The following ELMO1 variants were observed in gnomAD, a reference collection of about 807,000 sequenced individuals.
ELMO1 encodes the protein engulfment and cell motility protein 1.
A neutral mutation model predicts 98.9 loss-of-function variants in ELMO1; 26 were observed. The ratio of observed to expected loss-of-function variants is 0.26; its 90% CI spans 0.19 to 0.36. The LOEUF (loss-of-function observed/expected upper bound fraction) is 0.36. Ranked by LOEUF, ELMO1 falls within the 10% of genes least tolerant of loss-of-function variation. The pLI, the probability that ELMO1 is intolerant of heterozygous loss-of-function variation, is 1.00. For synonymous variants in ELMO1, 346 were observed against 346.0 expected (o/e 1.00, Z 0.00); for missense variants, 627 against 935.2 (o/e 0.67, Z 4.30).
At chr7:36,878,604 C>G (rs1175327111) in intron 18 of ELMO1, among the ~76,000 whole-genome samples, 3 of 152,218 alleles carry the variant, frequency 2.0e-5, no homozygotes, top group Non-Finnish European at 4.4e-5. Flanking sequence ...TAGGCTACCA[C>G]ACGCACATTA....
chr7:37,373,345 A>G (rs1236417448), intron 1 of ELMO1, among the ~76,000 whole-genome samples: 6 of 152,176 alleles, frequency 3.9e-5, no homozygotes, highest in African/African-American at 7.2e-5. Flanking sequence ...GGTGGCTCAC[A>G]CCGGTAATCC....
At chr7:37,416,386 C>A (rs1317003517) in intron 1 of ELMO1, among the ~76,000 whole-genome samples, 4 of 152,206 alleles carry the variant, frequency 2.6e-5, no homozygotes, top group African/African-American at 9.7e-5. Flanking sequence ...GAATCCCATT[C>A]TCACTGAATA....
At chr7:36,929,048 A>C (rs1251593533) in intron 16 of ELMO1, among the ~76,000 whole-genome samples, 8 of 152,230 alleles carry the variant, frequency 5.3e-5, no homozygotes. Context: ...AAGAAAGGGC[A>C]GTTGAGAGAG....
intron 15 of ELMO1, among the ~76,000 whole-genome samples, chr7:37,047,789 G>C (rs1795879380): frequency 1.3e-5 from 2 of 152,124 alleles, no homozygotes; most frequent in Middle Eastern, 3.4e-3. Flanking sequence ...TGTGCATTCA[G>C]TTGAGCCTAT....
intron 19 of ELMO1, among the ~76,000 whole-genome samples, chr7:36,871,342 C>T (rs1024604266): frequency 6.6e-6 from 1 of 152,102 alleles, no homozygotes; most frequent in African/African-American, 2.4e-5. Flanking sequence ...TTGAAACCAG[C>T]CTGGGCAACA....
At chr7:36,954,450 A>G (rs1434481667) in intron 16 of ELMO1, among the ~76,000 whole-genome samples, 1 of 152,122 alleles carries the variant, frequency 6.6e-6, no homozygotes, top group African/African-American at 2.4e-5. Flanking sequence ...TGACAAATGA[A>G]TGGTCAATGT....
intron 1 of ELMO1, among the ~76,000 whole-genome samples, chr7:37,377,210 C>G: frequency 6.6e-6 from 1 of 152,162 alleles, no homozygotes; most frequent in East Asian, 1.9e-4. Flanking sequence ...CAGTTTCTAC[C>G]GAATGCTTAT....
At chr7:37,249,191 A>C (rs1015740997) in intron 6 of ELMO1, among the ~76,000 whole-genome samples, 1 of 152,220 alleles carries the variant, frequency 6.6e-6, no homozygotes, top group African/African-American at 2.4e-5. Context: ...TGGTTCAGGC[A>C]AGATGAAAAG....
intron 16 of ELMO1, among the ~76,000 whole-genome samples, chr7:36,989,330 A>G (rs1044863624): frequency 2.0e-5 from 3 of 152,340 alleles, no homozygotes; most frequent in Non-Finnish European, 2.9e-5. Context: ...AGATTCTTTA[A>G]GTGTGATCCA....
chr7:37,414,452 G>A (rs948776964), intron 1 of ELMO1, among the ~76,000 whole-genome samples: 1 of 152,192 alleles, frequency 6.6e-6, no homozygotes, highest in Non-Finnish European at 1.5e-5. Flanking sequence ...AGCATATCCA[G>A]GTCACTGGCT....
At chr7:37,055,115 T>C (rs1584573715) in intron 15 of ELMO1, among the ~76,000 whole-genome samples, 1 of 152,238 alleles carries the variant, frequency 6.6e-6, no homozygotes, top group Non-Finnish European at 1.5e-5. Context: ...TGACTCATCC[T>C]GCAACATAAA....
intron 16 of ELMO1, among the ~76,000 whole-genome samples, chr7:36,977,155 C>G (rs1369977238): frequency 6.6e-6 from 1 of 152,234 alleles, no homozygotes; most frequent in East Asian, 1.9e-4. Flanking sequence ...CTCCCTGAGT[C>G]TGGCCCTCTA....
chr7:37,105,860 C>G (rs551623475), intron 14 of ELMO1, among the ~76,000 whole-genome samples: 86 of 152,026 alleles, frequency 5.7e-4, no homozygotes, highest in African/African-American at 1.8e-3. Flanking sequence ...TGGTGGTTGC[C>G]GGGGGCTGAG....
At chr7:36,876,088 C>A (rs904126203) in intron 19 of ELMO1, among the ~76,000 whole-genome samples, 4 of 152,188 alleles carry the variant, frequency 2.6e-5, no homozygotes, top group Admixed American at 2.6e-4. Flanking sequence ...CTGCTATTTG[C>A]TTCAACCAAC....
intron 16 of ELMO1, among the ~76,000 whole-genome samples, chr7:37,005,797 C>G (rs117153211): frequency 0.011 from 1,595 of 151,734 alleles, 12 homozygotes; most frequent in Non-Finnish European, 0.016. Flanking sequence ...CTCAGTGTTG[C>G]CATGAGCATC....
intron 5 of ELMO1, among the ~76,000 whole-genome samples, chr7:37,268,049 T>G (rs1796353876): frequency 6.6e-6 from 1 of 152,220 alleles, no homozygotes; most frequent in Non-Finnish European, 1.5e-5. Flanking sequence ...CATAAGCACT[T>G]CTTAAAACAA....
chr7:37,412,874 C>T (rs367697357), intron 1 of ELMO1, among the ~76,000 whole-genome samples: 20 of 152,210 alleles, frequency 1.3e-4, no homozygotes, highest in African/African-American at 4.6e-4. Context: ...GCTTGTCAGC[C>T]ACAGGAGCAC....
chr7:37,423,677 T>C (rs1804581232), intron 1 of ELMO1, among the ~76,000 whole-genome samples: 1 of 152,200 alleles, frequency 6.6e-6, no homozygotes, highest in Admixed American at 6.5e-5. Context: ...TATATATGTG[T>C]TTGTCTCTTT....
Position 37,213,345 on chromosome 7 carries a change from G to A in ELMO1, c.944C>T (p.Pro315Leu). The change falls in exon 12 of 22, where the codon CCC becomes CTC. Residue 315 changes from proline to leucine, a missense_variant. By Grantham distance (98) the Pro-to-Leu change is moderately conservative. Transcript: ENST00000310758. ...CCAATGAGCACTCACCTGGTCCTGGGGGTCCATTTTGGTCATCATCCTGTC... is the reference window on the plus strand; with the variant it reads ...CCAATGAGCACTCACCTGGTCCTGGAGGTCCATTTTGGTCATCATCCTGTC... Reference protein sequence around the residue: ...LEDRMMTKMDPQDQAQRDIIF... With the variant: ...LEDRMMTKMDLQDQAQRDIIF... 1 of 1,612,906 alleles carries A rather than the reference G, an allele frequency of 6.2e-7. No individual in the cohort carries two copies. The highest frequency in any genetic ancestry group is 1.1e-5 in the South Asian group (1 of 91,002).
Sources: allele counts gnomAD v4.1 joint callset (sites outside exome capture counted in the v4.1 genomes callset), GRCh38; gene constraint gnomAD v4.1.1; transcripts MANE v1.5; gene names NCBI Gene and HGNC (gene_info 2026-07-23, HGNC 2026-07-21).